PDE4D: variants seen among roughly 807,000 people sequenced by gnomAD.
PDE4D encodes the protein 3',5'-cyclic-AMP phosphodiesterase 4D.
PDE4D carries 24 observed loss-of-function variants against 87.4 expected under a neutral mutation model. The ratio of observed to expected loss-of-function variants is 0.27; its 90% confidence interval spans 0.20 to 0.39. PDE4D has a LOEUF of 0.39. Among genes scored for constraint, PDE4D ranks in the 10% least tolerant of loss-of-function variants. The pLI, the probability that PDE4D is intolerant of heterozygous loss-of-function variation, is 1.00. For synonymous variants in PDE4D, 384 were observed against 383.2 expected (o/e 1.00, Z -0.02); for missense variants, 714 against 1,041.0 (o/e 0.69, Z 4.32).
intron 1 of PDE4D, among the ~76,000 whole-genome samples, chr5:59,781,776 C>G (rs1764647473): frequency 2.7e-5 from 3 of 111,518 alleles, no homozygotes; most frequent in Admixed American, 1.1e-4. Context: ...CAGAGCGACA[C>G]TCCATCTCAA....
chr5:60,482,403 C>A (rs1748799975), intron 1 of PDE4D, among the ~76,000 whole-genome samples: 1 of 152,138 alleles, frequency 6.6e-6, no homozygotes, highest in East Asian at 1.9e-4. Flanking sequence ...ATCACCAAAC[C>A]AACTTTTTAT....
chr5:59,352,127 G>A (rs1156710177), intron 1 of PDE4D, among the ~76,000 whole-genome samples: 10 of 152,168 alleles, frequency 6.6e-5, no homozygotes, highest in Admixed American at 6.5e-4. Flanking sequence ...ATGAGCTAAT[G>A]CATGTATGGG....
intron 2 of PDE4D, among the ~76,000 whole-genome samples, chr5:60,077,301 G>C (rs371356368): frequency 6.6e-6 from 1 of 152,196 alleles, no homozygotes; most frequent in South Asian, 2.1e-4. Context: ...GGCAAAGTCT[G>C]CCCATGCAAA....
chr5:59,181,541 C>CATATATATATATATATATATATATATA (rs61135815), intron 4 of PDE4D, among the ~76,000 whole-genome samples: 4 of 60,838 alleles, frequency 6.6e-5, no homozygotes, highest in African/African-American at 2.6e-4. Flanking sequence ...TCAAAGATGT[C>CATATATATATATATATATATATATATA]TGATATATAT....
chr5:60,039,061 A>G (rs930158261), intron 2 of PDE4D, among the ~76,000 whole-genome samples: 20 of 151,490 alleles, frequency 1.3e-4, no homozygotes, highest in African/African-American at 4.6e-4. Context: ...TAGAAATACC[A>G]TTTGACCCAG....
chr5:59,702,626 T>C (rs1043290915), intron 1 of PDE4D, among the ~76,000 whole-genome samples: 3 of 151,756 alleles, frequency 2.0e-5, no homozygotes, highest in African/African-American at 7.3e-5. Context: ...GCCCGCACTT[T>C]GGGAGGCCAA....
intron 1 of PDE4D, among the ~76,000 whole-genome samples, chr5:59,290,527 T>C (rs1767816825): frequency 6.6e-6 from 1 of 151,978 alleles, no homozygotes; most frequent in South Asian, 2.1e-4. Flanking sequence ...AACAATTTCT[T>C]AAGTAATACC....
intron 2 of PDE4D, among the ~76,000 whole-genome samples, chr5:59,199,935 TATAC>T (rs1486653453): frequency 6.6e-6 from 1 of 151,790 alleles, no homozygotes; most frequent in Non-Finnish European, 1.5e-5. Flanking sequence ...CAGGCACATA[TATAC>T]ATATATACAT....
At chr5:59,191,576 C>CT (rs1416774033) in intron 3 of PDE4D, among the ~76,000 whole-genome samples, 4 of 150,556 alleles carry the variant, frequency 2.7e-5, no homozygotes, top group Non-Finnish European at 3.0e-5. Flanking sequence ...TCTTTCTTTC[C>CT]TTTTTTTTTC....
intron 5 of PDE4D, among the ~76,000 whole-genome samples, chr5:59,103,991 A>C (rs764688270): frequency 1.1e-4 from 17 of 152,218 alleles, no homozygotes; most frequent in Middle Eastern, 6.3e-3. Flanking sequence ...AATATCTACT[A>C]TACACAGGGT....
chr5:59,339,451 G>T (rs1323986593), intron 1 of PDE4D, among the ~76,000 whole-genome samples: 1 of 152,218 alleles, frequency 6.6e-6, no homozygotes, highest in Non-Finnish European at 1.5e-5. Context: ...ATGTGCAGGG[G>T]AGGAGGTGTT....
chr5:60,164,558 AAT>A (rs1367229721), intron 2 of PDE4D, among the ~76,000 whole-genome samples: 21 of 152,200 alleles, frequency 1.4e-4, no homozygotes, highest in Admixed American at 7.2e-4. Context: ...TATGCGGCTG[AAT>A]ATCTGTGTCA....
intron 1 of PDE4D, among the ~76,000 whole-genome samples, chr5:59,700,991 C>T (rs561865478): frequency 8.5e-5 from 13 of 152,158 alleles, no homozygotes; most frequent in Admixed American, 3.3e-4. Flanking sequence ...GCTTGGAATG[C>T]TTCATGGTTT....
chr5:60,473,509 G>A (rs562229677), intron 1 of PDE4D, among the ~76,000 whole-genome samples: 1 of 152,306 alleles, frequency 6.6e-6, no homozygotes, highest in Non-Finnish European at 1.5e-5. Flanking sequence ...GTGGCAAAAT[G>A]TTAACAATTG....
At chr5:59,205,662 A>ACG (rs1238336147) in intron 2 of PDE4D, among the ~76,000 whole-genome samples, 2 of 137,094 alleles carry the variant, frequency 1.5e-5, no homozygotes. Flanking sequence ...AAACACACAC[A>ACG]CACACACACA....
At chr5:59,722,241 C>G (rs7720119) in intron 1 of PDE4D, among the ~76,000 whole-genome samples, 58,090 of 152,168 alleles carry the variant, frequency 0.38, 12,198 homozygotes, top group African/African-American at 0.55. Flanking sequence ...GCCTTCGTTT[C>G]TCGTCTTTTG....
chr5:59,869,283 G>A (rs549465293), intron 1 of PDE4D, among the ~76,000 whole-genome samples: 2 of 152,318 alleles, frequency 1.3e-5, no homozygotes, highest in East Asian at 3.9e-4. Context: ...TGAGAAACAG[G>A]AGAAGTAGGG....
intron 1 of PDE4D, among the ~76,000 whole-genome samples, chr5:59,327,439 C>T (rs188131740): frequency 1.5e-3 from 221 of 152,160 alleles, no homozygotes; most frequent in Non-Finnish European, 1.1e-3. Context: ...GGATGATGAA[C>T]AAGTGCAAAT....
At chr5:59,518,140 T>C (rs74909354) in intron 1 of PDE4D, among the ~76,000 whole-genome samples, 2,582 of 152,152 alleles carry the variant, frequency 0.017, 80 homozygotes, top group East Asian at 0.13. Flanking sequence ...TTTGTCCTAG[T>C]GATTAATTTA....
Sources: gnomAD v4.1 joint callset for allele counts (sites outside exome capture counted in the v4.1 genomes callset) on GRCh38, gnomAD v4.1.1 for gene constraint, MANE v1.5 for transcripts, NCBI Gene and HGNC (gene_info 2026-07-23, HGNC 2026-07-21) for gene names.